The following DIS3L variants were observed in gnomAD, a reference collection of about 807,000 sequenced individuals.
DIS3L encodes the protein DIS3-like exonuclease 1.
In DIS3L, 100 loss-of-function variants were observed where a neutral mutation model predicts 120.3. The observed-to-expected ratio is 0.83, with a 90% CI of 0.71 to 0.98. The LOEUF is 0.98. Among genes scored for constraint, DIS3L ranks in the 50% least tolerant of loss-of-function variants. DIS3L has a pLI of 0.00. For missense variants in DIS3L, 1,196 were observed against 1,314.2 expected (o/e 0.91, Z 1.39); for synonymous variants, 426 against 470.6 (o/e 0.91, Z 1.23).
intron 2 of DIS3L, among the ~76,000 whole-genome samples, chr15:66,300,383 G>C (rs941052919): frequency 1.3e-5 from 2 of 152,172 alleles, no homozygotes; most frequent in South Asian, 2.1e-4. Flanking sequence ...TGGTTGCCGG[G>C]GGCTGGGGTC....
At chr15:66,310,509 A>G (rs2092750027) in intron 4 of DIS3L, among the ~76,000 whole-genome samples, 1 of 152,222 alleles carries the variant, frequency 6.6e-6, no homozygotes, top group Non-Finnish European at 1.5e-5. Context: ...AGTTCAGATG[A>G]AAGGGAAGCC....
intron 2 of DIS3L, among the ~76,000 whole-genome samples, chr15:66,301,704 A>G (rs2092650164): frequency 1.3e-5 from 2 of 152,312 alleles, no homozygotes; most frequent in South Asian, 4.1e-4. Flanking sequence ...TATGCACTAC[A>G]AAATCCTGAC....
upstream of DIS3L, chr15:66,293,363 C>T (rs2092542331): frequency 2.9e-6 from 2 of 678,124 alleles, no homozygotes; most frequent in Non-Finnish European, 3.9e-6. Context: ...CCCTCCGTCT[C>T]TGGGGTAGGT....
intron 4 of DIS3L, among the ~76,000 whole-genome samples, chr15:66,309,384 A>G (rs2092738294): frequency 6.6e-6 from 1 of 151,872 alleles, no homozygotes; most frequent in African/African-American, 2.4e-5. Flanking sequence ...CAGTAAACTA[A>G]CATTTATAAC....
intron 2 of DIS3L, among the ~76,000 whole-genome samples, chr15:66,300,404 G>A (rs1382732296): frequency 1.3e-5 from 2 of 152,166 alleles, no homozygotes; most frequent in Non-Finnish European, 2.9e-5. Context: ...AAGGGGAACA[G>A]GCAATGACTG....
At chr15:66,302,830 A>G (rs2092663160) in intron 2 of DIS3L, among the ~76,000 whole-genome samples, 1 of 152,226 alleles carries the variant, frequency 6.6e-6, no homozygotes, top group Non-Finnish European at 1.5e-5. Flanking sequence ...GGTAAAATGT[A>G]CATACATAAA....
chr15:66,316,673 G>T (rs374013145), intron 7 of DIS3L, among the ~76,000 whole-genome samples: 1 of 152,066 alleles, frequency 6.6e-6, no homozygotes, highest in African/African-American at 2.4e-5. Context: ...AAACTTAGCC[G>T]GGCGAGGTGG....
chr15:66,319,509 A>G (rs1385374242), intron 8 of DIS3L, among the ~76,000 whole-genome samples: 2 of 152,240 alleles, frequency 1.3e-5, no homozygotes, highest in African/African-American at 2.4e-5. Context: ...TTGATTATCC[A>G]TAAAGGAATA....
Position 66,322,854 on chromosome 15 carries a change from C to T in DIS3L, c.1494C>T (p.Asn498=). 6.2e-7 allele frequency: 1 copy of T among 1,614,128 alleles called. No individual in the cohort carries two copies. Among genetic ancestry groups the T allele is most frequent in the Non-Finnish European group, 8.5e-7 (1 of 1,180,018 alleles). ...TLSVRTLNNG[N]LELGVHIADV... Reference sequence around the variant, plus strand: ...CAGTCAGAACCTTAAATAATGGCAACCTGGAACTTGGGGTCCACATCGCAG... The same window carrying T: ...CAGTCAGAACCTTAAATAATGGCAATCTGGAACTTGGGGTCCACATCGCAG... The change falls in exon 10 of 17, where the codon AAC becomes AAT. Residue 498 remains asparagine, a synonymous_variant. Coordinates refer to ENST00000319212, the MANE Select transcript of DIS3L (RefSeq NM_001143688.3).
At chr15:66,297,725 A>T (rs925042622) in intron 2 of DIS3L, among the ~76,000 whole-genome samples, 2 of 152,204 alleles carry the variant, frequency 1.3e-5, no homozygotes, top group Non-Finnish European at 2.9e-5. Flanking sequence ...GCTTTTAGGA[A>T]CATTCTTGGT....
chr15:66,308,380 T>C (rs929579385), intron 3 of DIS3L, among the ~76,000 whole-genome samples: 2 of 152,222 alleles, frequency 1.3e-5, no homozygotes, highest in Non-Finnish European at 2.9e-5. Context: ...TCACATAATA[T>C]AGCTTGTCAT....
Position 66,332,732 on chromosome 15 carries a change from A to G in DIS3L, c.2682-4A>G. The G allele has an allele frequency of 6.2e-7, 1 of 1,608,748 alleles. No homozygotes were observed. On this transcript the variant is annotated splice_polypyrimidine_tract_variant and splice_region_variant and intron_variant, in intron 15 of 16. Coordinates refer to ENST00000319212, the MANE Select transcript of DIS3L (RefSeq NM_001143688.3). ...TCTGGATTTATATTCTGGTCATAAT[A>G]TAGGTTTGGGATTAAAGGTGCTGCT...
intron 9 of DIS3L, among the ~76,000 whole-genome samples, chr15:66,322,156 A>T (rs1386997905): frequency 6.6e-6 from 1 of 152,212 alleles, no homozygotes; most frequent in African/African-American, 2.4e-5. Context: ...ATAGGACTAG[A>T]ATTTTCTCTT....
At chr15:66,300,497 A>G (rs1295121747) in intron 2 of DIS3L, among the ~76,000 whole-genome samples, 2 of 152,230 alleles carry the variant, frequency 1.3e-5, no homozygotes, top group African/African-American at 4.8e-5. Context: ...CATAACTGTG[A>G]CTATACTAAA....
upstream of DIS3L, chr15:66,293,428 G>A (rs2140305380): frequency 8.4e-7 from 1 of 1,183,608 alleles, no homozygotes; most frequent in South Asian, 3.7e-5. Flanking sequence ...AGAAACTAAG[G>A]CCGGGAGGGC....
At chr15:66,332,533 C>T (rs1485107827) in intron 15 of DIS3L, among the ~76,000 whole-genome samples, 2 of 134,162 alleles carry the variant, frequency 1.5e-5, no homozygotes, top group South Asian at 2.3e-4. Flanking sequence ...TACACACACA[C>T]TTCTATATCC....
chr15:66,327,447 C>T (rs924876904), intron 12 of DIS3L, among the ~76,000 whole-genome samples: 2 of 152,094 alleles, frequency 1.3e-5, no homozygotes, highest in African/African-American at 2.4e-5. Context: ...GGATAAAATA[C>T]TTCTTTCATT....
At chr15:66,325,266 C>T (rs139342099) in intron 11 of DIS3L, among the ~76,000 whole-genome samples, 1,972 of 152,182 alleles carry the variant, frequency 0.013, 29 homozygotes, top group African/African-American at 0.041. Context: ...TGGTGGTGCA[C>T]GCCTATAGTC....
chr15:66,302,493 T>C (rs2092658911), intron 2 of DIS3L, among the ~76,000 whole-genome samples: 2 of 152,226 alleles, frequency 1.3e-5, no homozygotes, highest in African/African-American at 4.8e-5. Context: ...TCAGGGGCGT[T>C]ATTACCCTGC....
Sources: allele counts gnomAD v4.1 joint callset (sites outside exome capture counted in the v4.1 genomes callset), GRCh38; gene constraint gnomAD v4.1.1; transcripts MANE v1.5; gene names NCBI Gene and HGNC (gene_info 2026-07-23, HGNC 2026-07-21).